The following FARS2 variants were observed in gnomAD, a reference collection of about 807,000 sequenced individuals.
FARS2 encodes phenylalanyl-tRNA synthetase 2, mitochondrial.
A neutral mutation model predicts 46.4 loss-of-function variants in FARS2; 40 were observed. The ratio of observed to expected loss-of-function variants is 0.86; its 90% CI spans 0.67 to 1.12. The LOEUF is 1.12. FARS2 is among the 50% of genes most tolerant of loss of function. The pLI is 0.00. For synonymous variants in FARS2, 234 were observed against 214.9 expected, an observed-to-expected ratio of 1.09 and a Z score of -0.78; for missense variants, 513 against 567.9, an observed-to-expected ratio of 0.90 and a Z score of 0.98.
chr6:5,744,146 C>G (rs1038473993), intron 6 of FARS2, among the ~76,000 whole-genome samples: 4 of 152,182 alleles, frequency 2.6e-5, no homozygotes, highest in Non-Finnish European at 4.4e-5. Flanking sequence ...AGTGATGCCT[C>G]ACTCTGGAGA....
At chr6:5,665,350 A>C (rs1778060971) in intron 6 of FARS2, 1 of 152,400 alleles carries the variant, frequency 6.6e-6, no homozygotes. Flanking sequence ...CACATGGGTC[A>C]CAGCTGCAAG....
chr6:5,412,445 C>A (rs1761990314), intron 3 of FARS2, among the ~76,000 whole-genome samples: 1 of 152,184 alleles, frequency 6.6e-6, no homozygotes, highest in South Asian at 2.1e-4. Flanking sequence ...GTGTTGATTC[C>A]CTTCAGATAA....
chr6:5,456,917 C>T (rs1764919518), intron 4 of FARS2: 1 of 152,128 alleles, frequency 6.6e-6, no homozygotes, highest in Non-Finnish European at 1.5e-5. Flanking sequence ...ACCAAAACAA[C>T]AGCAGGGAAA....
rs182055566 is a variant in FARS2, at chr6:5,349,299, A to G, written c.-21-19251A>G. Among the ~76,000 whole-genome samples, 83 of 152,332 alleles carry G rather than the reference A, an allele frequency of 5.4e-4. 1 individual carries two copies. In the South Asian group the frequency reaches 0.016, roughly 30 times the overall value. ...AAAACATATTGGATCTGTATGTTGA[A>G]GATTACAAAAACCTGATTTTTGCAA... On this transcript the variant is annotated intron_variant, in intron 1 of 6. Transcript: ENST00000274680.
chr6:5,700,528 G>C (rs1758363885), intron 6 of FARS2, among the ~76,000 whole-genome samples: 1 of 152,090 alleles, frequency 6.6e-6, no homozygotes, highest in African/African-American at 2.4e-5. Flanking sequence ...CTCCCAAGTA[G>C]CTGGGAATAC....
At chr6:5,605,231 G>T (rs11756138) in intron 5 of FARS2, among the ~76,000 whole-genome samples, 20,534 of 152,248 alleles carry the variant, frequency 0.13, 1,688 homozygotes, top group Non-Finnish European at 0.17. Context: ...ACTGTGGGCT[G>T]CAGGATCGCT....
intron 6 of FARS2, among the ~76,000 whole-genome samples, chr6:5,704,622 T>C (rs1021631437): frequency 6.6e-5 from 10 of 152,204 alleles, no homozygotes; most frequent in Non-Finnish European, 1.2e-4. Context: ...AAGTGGTTCA[T>C]TGACGTCCAA....
intron 6 of FARS2, among the ~76,000 whole-genome samples, chr6:5,651,448 T>C (rs1229278897): frequency 6.6e-6 from 1 of 152,180 alleles, no homozygotes; most frequent in East Asian, 1.9e-4. Context: ...AGATTTATTC[T>C]CTGGAGATGA....
intron 6 of FARS2, among the ~76,000 whole-genome samples, chr6:5,682,807 G>A (rs141106981): frequency 6.6e-6 from 1 of 152,348 alleles, no homozygotes; most frequent in Non-Finnish European, 1.5e-5. Context: ...GTGATTTCAA[G>A]TAGTGACACC....
intron 6 of FARS2, among the ~76,000 whole-genome samples, chr6:5,664,497 G>A (rs1037603401): frequency 3.3e-5 from 5 of 152,162 alleles, no homozygotes; most frequent in African/African-American, 7.2e-5. Context: ...CCTCATGCTT[G>A]ATAATAAGGT....
chr6:5,503,389 CACACACACACACACACAGAGAGAG>C (rs1319453115), intron 4 of FARS2, among the ~76,000 whole-genome samples: 4 of 65,878 alleles, frequency 6.1e-5, no homozygotes, highest in African/African-American at 1.7e-4. Flanking sequence ...CACACACACA[CACACACACACACACACAGAGAGAG>C]AGAGAGAGAG....
intron 6 of FARS2, among the ~76,000 whole-genome samples, chr6:5,664,686 T>C (rs1205114639): frequency 6.6e-6 from 1 of 152,192 alleles, no homozygotes; most frequent in Non-Finnish European, 1.5e-5. Flanking sequence ...TAGTAGGACA[T>C]GAGATGTTGA....
At chr6:5,669,219 T>C (rs997300697) in intron 6 of FARS2, among the ~76,000 whole-genome samples, 1 of 152,188 alleles carries the variant, frequency 6.6e-6, no homozygotes, top group African/African-American at 2.4e-5. Context: ...AGACGTGTTA[T>C]CCTGGCCTCC....
chr6:5,601,864 A>G (rs933022068), intron 5 of FARS2, among the ~76,000 whole-genome samples: 1 of 152,212 alleles, frequency 6.6e-6, no homozygotes, highest in Admixed American at 6.5e-5. Flanking sequence ...GCTCTGATCT[A>G]GAAAGAGAAC....
intron 1 of FARS2, among the ~76,000 whole-genome samples, chr6:5,305,147 A>C (rs1184295508): frequency 6.6e-6 from 1 of 152,204 alleles, no homozygotes; most frequent in African/African-American, 2.4e-5. Context: ...CTCAGTGGGA[A>C]AGATACTGTG....
intron 6 of FARS2, among the ~76,000 whole-genome samples, chr6:5,615,706 T>A (rs1775434059): frequency 1.3e-5 from 2 of 152,118 alleles, no homozygotes; most frequent in African/African-American, 4.8e-5. Context: ...CATATTTGAA[T>A]GCATTGGGTT....
At chr6:5,747,081 A>G (rs1398479892) in intron 6 of FARS2, among the ~76,000 whole-genome samples, 3 of 152,220 alleles carry the variant, frequency 2.0e-5, no homozygotes, top group Admixed American at 6.5e-5. Flanking sequence ...GTATGGCGGC[A>G]TCATGCCCCA....
chr6:5,741,797 C>T (rs563736296), intron 6 of FARS2, among the ~76,000 whole-genome samples: 245 of 152,042 alleles, frequency 1.6e-3, no homozygotes, highest in Non-Finnish European at 2.6e-3. Context: ...ATTACAGGCA[C>T]ATGCCACCAC....
At chr6:5,699,509 GA>G (rs1411944584) in intron 6 of FARS2, among the ~76,000 whole-genome samples, 18 of 149,690 alleles carry the variant, frequency 1.2e-4, no homozygotes, top group African/African-American at 4.6e-4. Flanking sequence ...GATCACAGGA[GA>G]TTTTTTTTTT....
Sources: gnomAD v4.1 joint callset for allele counts (sites outside exome capture counted in the v4.1 genomes callset) on GRCh38, gnomAD v4.1.1 for gene constraint, MANE v1.5 for transcripts, NCBI Gene and HGNC (gene_info 2026-07-23, HGNC 2026-07-21) for gene names.